The following EDIL3 variants were observed in gnomAD, a reference collection of about 807,000 sequenced individuals.
EDIL3 encodes the protein EGF-like repeat and discoidin I-like domain-containing protein 3.
EDIL3 carries 37 observed loss-of-function variants against 67.4 expected under a neutral mutation model. The observed-to-expected ratio is 0.55, with a 90% CI of 0.42 to 0.72. The LOEUF (loss-of-function observed/expected upper bound fraction) is 0.72. Ranked by LOEUF, EDIL3 falls within the 30% of genes least tolerant of loss-of-function variation. EDIL3 has a pLI of 0.00. For missense variants in EDIL3, 527 were observed against 586.3 expected, an observed-to-expected ratio of 0.90 and a Z score of 1.04; for synonymous variants, 195 against 196.3, an observed-to-expected ratio of 0.99 and a Z score of 0.05.
Position 84,293,330 on chromosome 5 carries a change from C to T in EDIL3, c.68-39118G>A, listed in dbSNP as rs151186093. 7.8e-4 allele frequency among the ~76,000 whole-genome samples: 118 copies of T among 152,220 alleles called. 1 individual carries two copies. The highest frequency in any genetic ancestry group is 2.7e-3 in the African/African-American group (112 of 41,530). The stretch of plus-strand genomic sequence containing the variant: ...CTTATGAATAAACACTATTATTACC[C>T]AATTTTAAAGTTGGGTAACGTAAGA... On this transcript the variant is annotated intron_variant, in intron 1 of 10. Transcript: ENST00000296591.
chr5:84,125,549 A>T (rs1233136402), intron 5 of EDIL3, among the ~76,000 whole-genome samples: 2 of 152,016 alleles, frequency 1.3e-5, no homozygotes, highest in Non-Finnish European at 2.9e-5. Context: ...CAAGAAAGGA[A>T]CTAAATCAAA....
chr5:83,990,347 C>T (rs183729008), intron 9 of EDIL3, among the ~76,000 whole-genome samples: 36 of 151,908 alleles, frequency 2.4e-4, no homozygotes, highest in African/African-American at 6.5e-4. Flanking sequence ...ATTAGCTGGG[C>T]GTGGTGGCAT....
chr5:83,990,551 G>A (rs1378852038), intron 9 of EDIL3, among the ~76,000 whole-genome samples: 1 of 150,860 alleles, frequency 6.6e-6, no homozygotes, highest in African/African-American at 2.4e-5. Context: ...TCAGAAAGAA[G>A]ACTTGGTGAA....
chr5:84,013,728 G>C (rs1745554154), intron 9 of EDIL3, among the ~76,000 whole-genome samples: 1 of 152,104 alleles, frequency 6.6e-6, no homozygotes, highest in South Asian at 2.1e-4. Context: ...AGAACATGTC[G>C]AGCTCACATT....
intron 4 of EDIL3, among the ~76,000 whole-genome samples, chr5:84,174,193 G>C (rs1329026753): frequency 1.3e-5 from 2 of 152,178 alleles, no homozygotes; most frequent in East Asian, 1.9e-4. Flanking sequence ...TTTCATTAAA[G>C]AGCCTCAGGC....
At position 84,027,014 on chromosome 5, in the gene EDIL3, G is replaced by C. The variant is rs150876286; in HGVS notation, c.1137+33286C>G. Among the ~76,000 whole-genome samples the C allele has an allele frequency of 2.4e-3, 358 of 152,228 alleles. 2 individuals are homozygous for C. The highest frequency in any genetic ancestry group is 7.9e-3 in the African/African-American group (330 of 41,542). On this transcript the variant is annotated intron_variant, in intron 9 of 10. Coordinates refer to ENST00000296591, the MANE Select transcript of EDIL3 (RefSeq NM_005711.5). The stretch of plus-strand genomic sequence containing the variant: ...GGAGGCTGAGGTGGGAGGATCACCT[G>C]AGCCCAAGAGGCAGAACCTACAGTA...
intron 1 of EDIL3, among the ~76,000 whole-genome samples, chr5:84,306,903 T>C (rs1746285220): frequency 6.6e-6 from 1 of 152,210 alleles, no homozygotes; most frequent in Non-Finnish European, 1.5e-5. Context: ...CTGGGCCTTA[T>C]ATAAAGTGAT....
At chr5:84,182,887 A>G (rs189074965) in intron 3 of EDIL3, among the ~76,000 whole-genome samples, 5 of 152,284 alleles carry the variant, frequency 3.3e-5, no homozygotes, top group African/African-American at 4.8e-5. Flanking sequence ...TGTGAAGCAC[A>G]TATCAATTAA....
chr5:84,294,101 C>T lies in EDIL3; in HGVS notation c.68-39889G>A, dbSNP rs1580059908. Among the ~76,000 whole-genome samples, 4 of 151,714 alleles carry T rather than the reference C, an allele frequency of 2.6e-5. 1 individual carries two copies. The highest frequency in any genetic ancestry group is 2.6e-4 in the Admixed American group (4 of 15,262). On this transcript the variant is annotated intron_variant, in intron 1 of 10. Transcript: ENST00000296591. ...TAATGACCATAAATTAAGTCATCATCGGCCGGGTGCGGTGGCTCACGCCTG... is the reference window on the plus strand; with the variant it reads ...TAATGACCATAAATTAAGTCATCATTGGCCGGGTGCGGTGGCTCACGCCTG...
intron 5 of EDIL3, among the ~76,000 whole-genome samples, chr5:84,125,049 A>G (rs1383700014): frequency 1.3e-5 from 2 of 152,056 alleles, no homozygotes; most frequent in Non-Finnish European, 2.9e-5. Flanking sequence ...GATGCAGAGT[A>G]AAAACAGAGA....
At chr5:84,359,850 C>G (rs6871221) in intron 1 of EDIL3, among the ~76,000 whole-genome samples, 2,608 of 152,226 alleles carry the variant, frequency 0.017, 87 homozygotes, top group African/African-American at 0.06. Context: ...ACCATTTTAG[C>G]TCCCTACCAT....
intron 9 of EDIL3, among the ~76,000 whole-genome samples, chr5:83,996,511 T>C (rs1171378012): frequency 2.0e-5 from 3 of 152,100 alleles, no homozygotes; most frequent in East Asian, 3.9e-4. Context: ...GAAGCAGACA[T>C]AGCAACAGTG....
At chr5:84,082,621 T>C (rs898678888) in intron 6 of EDIL3, among the ~76,000 whole-genome samples, 1 of 152,182 alleles carries the variant, frequency 6.6e-6, no homozygotes, top group Non-Finnish European at 1.5e-5. Context: ...ATCTTAAATT[T>C]GCATTTCAAA....
At chr5:83,964,766 CTT>C (rs1315542305) in intron 9 of EDIL3, among the ~76,000 whole-genome samples, 1 of 152,016 alleles carries the variant, frequency 6.6e-6, no homozygotes, top group Non-Finnish European at 1.5e-5. Context: ...AAAAGACCAC[CTT>C]TAATGCTCTA....
intron 8 of EDIL3, among the ~76,000 whole-genome samples, chr5:84,063,323 C>T (rs899974792): frequency 1.9e-4 from 29 of 152,072 alleles, no homozygotes; most frequent in Non-Finnish European, 1.0e-4. Context: ...TAGTGAGATG[C>T]AATACAAACA....
intron 6 of EDIL3, among the ~76,000 whole-genome samples, chr5:84,083,837 C>T (rs1747020629): frequency 6.6e-6 from 1 of 152,164 alleles, no homozygotes; most frequent in African/African-American, 2.4e-5. Context: ...TCAATTCACA[C>T]TGATCAAGTC....
chr5:83,988,619 C>T (rs1561395078), intron 9 of EDIL3, among the ~76,000 whole-genome samples: 1 of 152,132 alleles, frequency 6.6e-6, no homozygotes, highest in African/African-American at 2.4e-5. Flanking sequence ...GCTGTTTCTT[C>T]TACTGTAAAG....
intron 4 of EDIL3, among the ~76,000 whole-genome samples, chr5:84,178,064 T>A (rs977040404): frequency 6.6e-6 from 1 of 152,196 alleles, no homozygotes; most frequent in Admixed American, 6.5e-5. Flanking sequence ...TTTATTGATT[T>A]TCAGTATAGT....
intron 3 of EDIL3, among the ~76,000 whole-genome samples, chr5:84,225,336 C>T (rs944142426): frequency 1.3e-5 from 2 of 151,422 alleles, no homozygotes; most frequent in African/African-American, 4.8e-5. Context: ...TTTAGAAGTT[C>T]GAATAAAAGA....
Sources: gnomAD v4.1 joint callset for allele counts (sites outside exome capture counted in the v4.1 genomes callset) on GRCh38, gnomAD v4.1.1 for gene constraint, MANE v1.5 for transcripts, NCBI Gene and HGNC (gene_info 2026-07-23, HGNC 2026-07-21) for gene names.